The following B4GALT3 variants were observed in gnomAD, a reference collection of about 807,000 sequenced individuals.
B4GALT3 encodes the protein N-acetyllactosamine synthase.
In B4GALT3, 29 loss-of-function variants were observed where a neutral mutation model predicts 40.7. The observed-to-expected ratio is 0.71, with a 90% CI of 0.53 to 0.97. The LOEUF is 0.97. Ranked by LOEUF, B4GALT3 falls within the 50% of genes least tolerant of loss-of-function variation. B4GALT3 has a pLI of 0.00. For missense variants in B4GALT3, 390 were observed against 522.3 expected, an observed-to-expected ratio of 0.75 and a Z score of 2.47; for synonymous variants, 182 against 203.9, an observed-to-expected ratio of 0.89 and a Z score of 0.92.
chr1:161,174,791 A>C (rs2101959323), intron 4 of B4GALT3: 1 of 599,130 alleles, frequency 1.7e-6, no homozygotes, highest in Non-Finnish European at 2.9e-6. Context: ...AGAGTGTAGG[A>C]CAGTGGGAAT....
At chr1:161,174,896 A>T in intron 4 of B4GALT3, 97 bp downstream of exon 4, 1 of 1,342,662 alleles carries the variant, frequency 7.4e-7, no homozygotes, top group Non-Finnish European at 1.1e-6. Context: ...CCTTCTTAAA[A>T]TTATTCTAGG....
At chr1:161,177,553 G>A (rs1003148846), upstream of B4GALT3, 2 of 168,284 alleles carry the variant, frequency 1.2e-5, no homozygotes, top group African/African-American at 4.8e-5. Context: ...GGAGCCACCC[G>A]GGCTGACTAG....
At chr1:161,174,174 A>G in intron 4 of B4GALT3, 125 bp from the exon 5 acceptor site, 5 of 984,038 alleles carry the variant, frequency 5.1e-6, no homozygotes, top group East Asian at 5.1e-5. Flanking sequence ...TTGGGAGGCC[A>G]AGGCAGGCAG....
chr1:161,176,053 C>T lies in B4GALT3; in HGVS notation c.8G>A (p.Arg3Gln), dbSNP rs375294931. 21 of 1,613,890 alleles carry T rather than the reference C, an allele frequency of 1.3e-5. No individual in the cohort carries two copies. The highest frequency in any genetic ancestry group is 2.2e-5 in the East Asian group (1 of 44,880). ...CGTGCAAGGCCGCTCCAGCAGCCTC[C>T]GCAACATCCTGGGGGTGAGATCTAG... ML[R>Q]RLLERPCTLA... The change falls in exon 3 of 8, where the codon CGG becomes CAG. Residue 3 changes from arginine (R) to glutamine (Q), a missense_variant. By Grantham distance (43) the Arg-to-Gln change is conservative (BLOSUM62 1). Transcript: ENST00000319769.
Position 161,172,331 on chromosome 1 carries a change from C to A in B4GALT3, c.804G>T (p.Arg268Ser). 1 of 1,613,294 alleles carries A rather than the reference C, an allele frequency of 6.2e-7. No individual in the cohort carries two copies. The highest frequency in any genetic ancestry group is 1.1e-5 in the South Asian group (1 of 90,974). ...AGATCTTCATCCCAGCCAGGCGCAC[C>A]CTATGGGAAAAGTGAGGGTATCATG... The part of the protein sequence containing the change: ...WGGEDDDIAT[R>S]VRLAGMKISR... The change falls in exon 7 of 8, where the codon AGG becomes AGT. Residue 268 changes from arginine to serine, a missense_variant and splice_region_variant. Arg to Ser is a moderately radical substitution (Grantham distance 110). Transcript: ENST00000319769.
chr1:161,173,916 A>ACATACAGAT lies in B4GALT3; in HGVS notation c.614_622dup (p.Tyr207_Val208insAspLeuTyr), dbSNP rs918014408. 1.2e-6 allele frequency: 2 copies of ACATACAGAT among 1,614,176 alleles called. No homozygotes were observed. Among genetic ancestry groups the ACATACAGAT allele is most frequent in the African/African-American group, 2.7e-5 (2 of 75,024 alleles). ...ATGGCGGGGTCCCCGGGGGTCACACACATACAGATTGTGGTCATTTTCTGG... is the reference window on the plus strand; with the variant it reads ...ATGGCGGGGTCCCCGGGGGTCACACACATACAGATCATACAGATTGTGGTCATTTTCTGG... On this transcript the variant is annotated inframe_insertion, in exon 5 of 8. Transcript: ENST00000319769.
chr1:161,173,171 T>C (rs1360519018), intron 6 of B4GALT3, among the ~76,000 whole-genome samples: 1 of 152,196 alleles, frequency 6.6e-6, no homozygotes, highest in East Asian at 1.9e-4. Flanking sequence ...AGGCTGAAGG[T>C]CAGAATGTTT....
At chr1:161,174,946 C>T in intron 4 of B4GALT3, 47 bp downstream of exon 4, 2 of 1,583,604 alleles carry the variant, frequency 1.3e-6, no homozygotes, top group Non-Finnish European at 1.7e-6. Flanking sequence ...GTGCTTGAGG[C>T]TTCCTTAGAA....
At chr1:161,177,227 GCCCAT>G (rs1663948069) in intron 1 of B4GALT3, 191 bp downstream of exon 1, 1 of 690,098 alleles carries the variant, frequency 1.4e-6, no homozygotes, top group Non-Finnish European at 2.4e-6. Flanking sequence ...TTCGGAGCAC[GCCCAT>G]CCTATCCCAG....
intron 4 of B4GALT3, chr1:161,174,763 T>C: frequency 1.9e-6 from 1 of 534,990 alleles, no homozygotes; most frequent in Non-Finnish European, 3.3e-6. Context: ...AGCCATTCAA[T>C]AAAGAAAAAA....
chr1:161,175,918 T>G lies in B4GALT3; in HGVS notation c.143A>C (p.Tyr48Ser). 1.2e-6 allele frequency: 2 copies of G among 1,614,054 alleles called. No individual in the cohort carries two copies. Among genetic ancestry groups the G allele is most frequent in the Non-Finnish European group, 8.5e-7 (1 of 1,180,018 alleles). Residue 48 changes from tyrosine to serine, a missense_variant, in exon 3 of 8, where the codon TAT becomes TCT. This residue lies in a region of B4GALT3 where 183 missense variants were observed against 223.2 expected (regional missense o/e 0.82). Coordinates refer to ENST00000319769, the MANE Select transcript of B4GALT3 (RefSeq NM_003779.4). ...FGRDQGPTFD[Y>S]SHPRDVYSNL... The stretch of plus-strand genomic sequence containing the variant: ...ACTGTAGACATCACGAGGGTGAGAA[T>G]AGTCAAATGTCGGTCCCTGATCTCG...
At chr1:161,177,388 A>T in intron 1 of B4GALT3, 35 bp downstream of exon 1, 1 of 300,690 alleles carries the variant, frequency 3.3e-6, no homozygotes, top group Non-Finnish European at 6.4e-6. Flanking sequence ...CCTTTATCCC[A>T]GGCCTCCGTG....
chr1:161,177,152 G>T, intron 1 of B4GALT3: 10 of 1,394,072 alleles, frequency 7.2e-6, no homozygotes, highest in Non-Finnish European at 8.7e-6. Flanking sequence ...ACAGTCAGGG[G>T]TGGCTGGAAG....
At chr1:161,172,385 A>G in intron 6 of B4GALT3, 54 bp from the exon 7 acceptor site, 1 of 1,504,316 alleles carries the variant, frequency 6.6e-7, no homozygotes, top group Non-Finnish European at 9.1e-7. Context: ...AAAGCAAGGA[A>G]GGGATTAAAT....
At chr1:161,174,917 G>C in intron 4 of B4GALT3, 76 bp downstream of exon 4, 2 of 1,463,838 alleles carry the variant, frequency 1.4e-6, no homozygotes, top group South Asian at 1.2e-5. Flanking sequence ...GACCCATTTA[G>C]ATGAAAGTGA....
intron 4 of B4GALT3, among the ~76,000 whole-genome samples, chr1:161,174,708 G>A (rs1036624383): frequency 5.9e-5 from 9 of 152,190 alleles, no homozygotes; most frequent in African/African-American, 2.2e-4. Flanking sequence ...ACAAGTGACG[G>A]AACTAGAATT....
At chr1:161,176,949 A>T in intron 1 of B4GALT3, 1 of 1,536,094 alleles carries the variant, frequency 6.5e-7, no homozygotes, top group Non-Finnish European at 8.7e-7. Flanking sequence ...TCTATTCTTC[A>T]TGTGCCTGGG....
At position 161,173,741 on chromosome 1, in the gene B4GALT3, G is replaced by C; in HGVS notation, c.681-14C>G. ...GGGTACGGGAGGCTAGGGAGAGAAA[G>C]ATCCTTGCATACCCCGAGTCTTCTG... is the stretch of plus-strand genomic sequence containing the variant. On this transcript the variant is annotated splice_polypyrimidine_tract_variant and intron_variant, in intron 5 of 7. Transcript: ENST00000319769. 1 of 1,614,072 alleles carries C rather than the reference G, an allele frequency of 6.2e-7. No homozygotes were observed. Among genetic ancestry groups the C allele is most frequent in the Non-Finnish European group, 8.5e-7 (1 of 1,179,968 alleles).
chr1:161,172,196 C>T, intron 7 of B4GALT3, 31 bp downstream of exon 7: 1 of 1,612,802 alleles, frequency 6.2e-7, no homozygotes, highest in Non-Finnish European at 8.5e-7. Context: ...GATCCAGTAA[C>T]AATTCCCAGG....
Sources: gnomAD v4.1 joint callset for allele counts (sites outside exome capture counted in the v4.1 genomes callset) on GRCh38, gnomAD v4.1.1 for gene constraint, gnomAD v4.1.1 regional missense constraint, MANE v1.5 for transcripts, NCBI Gene and HGNC (gene_info 2026-07-23, HGNC 2026-07-21) for gene names.